Variants in DCDC1 observed in about 807,000 individuals in gnomAD.
DCDC1 encodes doublecortin domain containing 1, also known as doublecortin domain-containing protein 1.
A neutral mutation model predicts 178.3 loss-of-function variants in DCDC1; 200 were observed. That is an observed-to-expected ratio of 1.12 (90% CI 1.00 to 1.26). The LOEUF is 1.26. Among genes scored for constraint, DCDC1 ranks in the 50% most tolerant of loss-of-function variants. DCDC1 has a pLI of 0.00. For missense variants in DCDC1, 1,983 were observed against 1,749.2 expected, an observed-to-expected ratio of 1.13 and a Z score of -2.38; for synonymous variants, 690 against 604.8, an observed-to-expected ratio of 1.14 and a Z score of -2.07.
chr11:31,066,665 T>C (rs895737248), intron 18 of DCDC1, among the ~76,000 whole-genome samples: 3 of 152,216 alleles, frequency 2.0e-5, no homozygotes, highest in African/African-American at 7.2e-5. Flanking sequence ...AGAGTCGATC[T>C]GAAAAGGCTA....
At chr11:31,273,100 A>T (rs981307776) in intron 7 of DCDC1, among the ~76,000 whole-genome samples, 1 of 152,128 alleles carries the variant, frequency 6.6e-6, no homozygotes, top group African/African-American at 2.4e-5. Flanking sequence ...CTAGGCCTCC[A>T]GGCTTGTGAT....
intron 1 of DCDC1, among the ~76,000 whole-genome samples, chr11:31,354,749 G>A (rs544196276): frequency 3.3e-5 from 5 of 152,240 alleles, no homozygotes; most frequent in East Asian, 1.9e-4. Flanking sequence ...TGACTTGAAC[G>A]CTAGACCAAC....
intron 1 of DCDC1, among the ~76,000 whole-genome samples, chr11:31,353,371 A>C (rs759228835): frequency 6.6e-6 from 1 of 152,240 alleles, no homozygotes; most frequent in African/African-American, 2.4e-5. Flanking sequence ...TATCTTAAAT[A>C]TTCAAAAAGT....
chr11:30,972,160 A>C (rs1289559496), intron 20 of DCDC1, among the ~76,000 whole-genome samples: 1 of 152,252 alleles, frequency 6.6e-6, no homozygotes, highest in Non-Finnish European at 1.5e-5. Context: ...AATTCAAAAA[A>C]GTCTTCTCCA....
rs1175141059 is a variant in DCDC1 at position 30,911,318 on chromosome 11, A to G, written c.3747+9T>C. On this transcript the variant is annotated intron_variant, in intron 28 of 38. Coordinates refer to ENST00000684477, the MANE Select transcript of DCDC1 (RefSeq NM_001387274.1). ...GGCCATGACTAATCTTTAGCCATAC[A>G]TATCTTACCTGAACAATAACTGGAT... The G allele has an allele frequency of 6.9e-6, 11 of 1,592,962 alleles. No individual in the cohort carries two copies. The highest frequency in any genetic ancestry group is 9.4e-6 in the Non-Finnish European group (11 of 1,168,550).
intron 10 of DCDC1, among the ~76,000 whole-genome samples, chr11:31,127,956 A>T (rs899223166): frequency 3.9e-5 from 6 of 152,172 alleles, no homozygotes; most frequent in Non-Finnish European, 7.4e-5. Flanking sequence ...TAAACTGTTT[A>T]ACAAAATAAA....
At chr11:30,903,419 T>A (rs1266449268) in intron 32 of DCDC1, 63 bp downstream of exon 32, 1 of 1,372,220 alleles carries the variant, frequency 7.3e-7, no homozygotes, top group Non-Finnish European at 9.6e-7. Context: ...GAAATAATCA[T>A]GTTTAACGTT....
chr11:31,121,630 C>A (rs1316181578), intron 11 of DCDC1, among the ~76,000 whole-genome samples: 3 of 151,514 alleles, frequency 2.0e-5, no homozygotes, highest in Non-Finnish European at 2.9e-5. Flanking sequence ...ACACCATATA[C>A]AATATGAAAA....
chr11:31,258,890 C>T (rs1944591259), intron 8 of DCDC1, among the ~76,000 whole-genome samples: 1 of 152,114 alleles, frequency 6.6e-6, no homozygotes, highest in Non-Finnish European at 1.5e-5. Flanking sequence ...ATTGATCACC[C>T]TCAGTTGAGC....
intron 9 of DCDC1, among the ~76,000 whole-genome samples, chr11:31,163,579 T>G (rs1046508010): frequency 1.3e-5 from 2 of 152,188 alleles, no homozygotes; most frequent in Admixed American, 1.3e-4. Context: ...TTATTTAAGA[T>G]TTGCTCATTT....
intron 9 of DCDC1, among the ~76,000 whole-genome samples, chr11:31,213,662 G>C (rs1365680611): frequency 6.6e-6 from 1 of 151,430 alleles, no homozygotes; most frequent in African/African-American, 2.4e-5. Context: ...GGAGGTTGCA[G>C]TTAGCCGAGA....
intron 32 of DCDC1, 30 bp from the exon 33 acceptor site, chr11:30,900,528 G>T: frequency 2.8e-6 from 4 of 1,452,388 alleles, no homozygotes; most frequent in Non-Finnish European, 3.7e-6. Flanking sequence ...ATTTATCATT[G>T]TTCAACGAAT....
chr11:31,148,985 C>A (rs1173599697), intron 9 of DCDC1, among the ~76,000 whole-genome samples: 1 of 152,032 alleles, frequency 6.6e-6, no homozygotes, highest in Non-Finnish European at 1.5e-5. Flanking sequence ...TAAATGAGAA[C>A]ATATGATATC....
chr11:30,888,098 AAAAGAAAGAAAGAAAGAAAG>A (rs59770180), intron 36 of DCDC1, among the ~76,000 whole-genome samples: 121 of 105,502 alleles, frequency 1.1e-3, no homozygotes, highest in South Asian at 4.1e-3. Flanking sequence ...GAAAGAAAGA[AAAAGAAAGAAAGAAAGAAAG>A]AAAGAAAGAA....
At chr11:31,359,317 G>T (rs188342048) in intron 1 of DCDC1, among the ~76,000 whole-genome samples, 41 of 150,742 alleles carry the variant, frequency 2.7e-4, no homozygotes, top group Admixed American at 2.4e-3. Flanking sequence ...CATCATTCTC[G>T]GTAAACTATC....
chr11:31,155,337 G>C (rs1484917942), intron 9 of DCDC1, among the ~76,000 whole-genome samples: 2 of 152,136 alleles, frequency 1.3e-5, no homozygotes, highest in Admixed American at 1.3e-4. Context: ...TATGTGCCAG[G>C]CACTGTGCTA....
intron 20 of DCDC1, among the ~76,000 whole-genome samples, chr11:31,055,771 T>C (rs1955545188): frequency 6.6e-6 from 1 of 152,132 alleles, no homozygotes; most frequent in Admixed American, 6.5e-5. Flanking sequence ...CCAAACATCA[T>C]ATGTTCTCAC....
intron 7 of DCDC1, among the ~76,000 whole-genome samples, chr11:31,270,359 C>G (rs1391085249): frequency 6.6e-6 from 1 of 152,204 alleles, no homozygotes; most frequent in Non-Finnish European, 1.5e-5. Context: ...CATGCTATAA[C>G]AGCAAGGCTG....
At chr11:31,167,620 T>C (rs1042123506) in intron 9 of DCDC1, among the ~76,000 whole-genome samples, 1 of 152,176 alleles carries the variant, frequency 6.6e-6, no homozygotes, top group Non-Finnish European at 1.5e-5. Context: ...ATCTAATCCT[T>C]CTATTTTATT....
Sources: gnomAD v4.1 joint callset for allele counts (sites outside exome capture counted in the v4.1 genomes callset) on GRCh38, gnomAD v4.1.1 for gene constraint, MANE v1.5 for transcripts, NCBI Gene and HGNC (gene_info 2026-07-23, HGNC 2026-07-21) for gene names.